AFAP1L2: variants seen among roughly 807,000 people sequenced by gnomAD.
AFAP1L2 encodes actin filament-associated protein 1-like 2.
AFAP1L2 carries 46 observed loss-of-function variants against 99.3 expected under a neutral mutation model. The observed-to-expected ratio is 0.46, with a 90% confidence interval of 0.37 to 0.59. The LOEUF is 0.59. Ranked by LOEUF, AFAP1L2 falls within the 20% of genes least tolerant of loss-of-function variation. The pLI is 0.00. For synonymous variants in AFAP1L2, 397 were observed against 419.1 expected (o/e 0.95, Z 0.64); for missense variants, 959 against 1,034.9 (o/e 0.93, Z 1.01).
chr10:114,397,713 C>A lies in AFAP1L2; in HGVS notation c.16+6727G>T, dbSNP rs554129374. 4.8e-4 allele frequency among the ~76,000 whole-genome samples: 73 copies of A among 152,276 alleles called. 1 individual carries two copies. The South Asian group carries it at 0.015, about 31-fold the overall frequency. On this transcript the variant is annotated intron_variant, in intron 1 of 18. Coordinates refer to ENST00000304129, the MANE Select transcript of AFAP1L2 (RefSeq NM_001001936.3). ...CCAAGGGTAGGACTGTACATTCACCCAGCTTGGATTCTTCCTGGTACACAG... is the reference window on the plus strand; with the variant it reads ...CCAAGGGTAGGACTGTACATTCACCAAGCTTGGATTCTTCCTGGTACACAG...
intron 1 of AFAP1L2, among the ~76,000 whole-genome samples, chr10:114,355,636 T>G (rs1007991768): frequency 2.6e-5 from 4 of 152,182 alleles, no homozygotes; most frequent in Non-Finnish European, 5.9e-5. Context: ...TAGAAAATAT[T>G]TGAATGCATA....
chr10:114,327,163 ATATATATATATTTTTT>A lies in AFAP1L2; in HGVS notation c.316-3918_316-3903del, dbSNP rs1421598265. On this transcript the variant is annotated intron_variant, in intron 4 of 18. Transcript: ENST00000304129. ...TATATATATTTATATATATATATAT[ATATATATATATTTTTT>A]TTTTAGGCAGAGTCTCACTGTGTTG... Among the ~76,000 whole-genome samples the A allele has an allele frequency of 2.3e-3, 184 of 81,376 alleles. 34 individuals are homozygous for A. The South Asian group carries it at 0.031, about 14-fold the overall frequency. The allele number at this position is 81,376 out of a possible 152,430, so 53.4% of individuals were successfully genotyped here.
the AFAP1L2 span, chr10:114,286,270 C>T: frequency 6.2e-7 from 1 of 1,611,312 alleles, no homozygotes; most frequent in South Asian, 1.1e-5. Flanking sequence ...CAGGCCAGGA[C>T]CGGCCACGTA....
At chr10:114,341,601 G>T (rs1178574023) in intron 1 of AFAP1L2, among the ~76,000 whole-genome samples, 2 of 131,748 alleles carry the variant, frequency 1.5e-5, no homozygotes, top group Non-Finnish European at 3.3e-5. Context: ...GACAGAGCAA[G>T]ACTCCATCTC....
intron 1 of AFAP1L2, among the ~76,000 whole-genome samples, chr10:114,385,571 G>A (rs770045785): frequency 1.1e-4 from 17 of 152,276 alleles, no homozygotes; most frequent in Middle Eastern, 6.8e-3. Context: ...GGTTACCCCT[G>A]GCCTCAGTGT....
chr10:114,390,202 C>T (rs1218381788), intron 1 of AFAP1L2, among the ~76,000 whole-genome samples: 5 of 152,178 alleles, frequency 3.3e-5, no homozygotes. Context: ...TCATCTATGC[C>T]ATTGGATGTA....
chr10:114,304,967 C>T (rs1564805093), intron 10 of AFAP1L2, 37 bp from the exon 11 acceptor site: 1 of 1,384,860 alleles, frequency 7.2e-7, no homozygotes. Flanking sequence ...GGGGACAGGG[C>T]TGCAGGAGGG....
At chr10:114,287,946 G>A in the AFAP1L2 span, among the ~76,000 whole-genome samples, 21 of 152,212 alleles carry the variant, frequency 1.4e-4, no homozygotes, top group Admixed American at 7.2e-4. Flanking sequence ...GTAGTCAGCC[G>A]CCTTCCCCGT....
At chr10:114,394,150 C>A (rs1174973537) in intron 1 of AFAP1L2, among the ~76,000 whole-genome samples, 1 of 152,134 alleles carries the variant, frequency 6.6e-6, no homozygotes, top group East Asian at 1.9e-4. Context: ...GGGGGGACGA[C>A]CGGCAAAGCC....
chr10:114,354,433 A>G (rs915456599), intron 1 of AFAP1L2, among the ~76,000 whole-genome samples: 6 of 152,178 alleles, frequency 3.9e-5, no homozygotes, highest in Middle Eastern at 3.2e-3. Flanking sequence ...AAGTTAGAGA[A>G]CAATAATGAG....
chr10:114,307,982 T>C, intron 9 of AFAP1L2, 73 bp from the exon 10 acceptor site: 1 of 1,347,236 alleles, frequency 7.4e-7, no homozygotes. Flanking sequence ...ATGGAAAAAA[T>C]AGCAAACCCA....
intron 2 of AFAP1L2, 142 bp from the exon 3 acceptor site, chr10:114,333,437 T>C: frequency 1.5e-6 from 1 of 647,116 alleles, no homozygotes. Context: ...ATTGAAAGAA[T>C]AGTCCAACAT....
downstream of AFAP1L2, among the ~76,000 whole-genome samples, chr10:114,292,719 T>A (rs975449137): frequency 7.2e-5 from 11 of 152,016 alleles, no homozygotes; most frequent in Non-Finnish European, 4.4e-5. Flanking sequence ...TTTTTCTTTT[T>A]TTTGAGACGG....
intron 1 of AFAP1L2, among the ~76,000 whole-genome samples, chr10:114,391,311 C>T (rs1472083839): frequency 6.6e-6 from 1 of 152,048 alleles, no homozygotes; most frequent in Non-Finnish European, 1.5e-5. Flanking sequence ...CCTCTACCTC[C>T]TGGATTCAAG....
the AFAP1L2 span, among the ~76,000 whole-genome samples, chr10:114,283,401 G>C: frequency 6.6e-6 from 1 of 151,860 alleles, no homozygotes; most frequent in African/African-American, 2.4e-5. Flanking sequence ...AGACACACAG[G>C]CAGGGTAGCG....
intron 1 of AFAP1L2, among the ~76,000 whole-genome samples, chr10:114,388,834 T>C (rs928600445): frequency 6.6e-6 from 1 of 152,108 alleles, no homozygotes; most frequent in Admixed American, 6.6e-5. Context: ...TCACTTAAGA[T>C]ATCAATATCC....
At chr10:114,285,205 G>C in the AFAP1L2 span, among the ~76,000 whole-genome samples, 2 of 152,202 alleles carry the variant, frequency 1.3e-5, no homozygotes, top group African/African-American at 4.8e-5. Context: ...ATTAGCTGCA[G>C]AATGGTCACT....
intron 4 of AFAP1L2, among the ~76,000 whole-genome samples, chr10:114,329,208 A>T (rs1390374450): frequency 6.6e-6 from 1 of 152,142 alleles, no homozygotes; most frequent in South Asian, 2.1e-4. Context: ...CAGGAAGTCT[A>T]CTTCAGAGGG....
intron 1 of AFAP1L2, among the ~76,000 whole-genome samples, chr10:114,351,104 TG>T (rs1238987963): frequency 1.3e-5 from 2 of 152,112 alleles, no homozygotes; most frequent in Non-Finnish European, 2.9e-5. Context: ...AAGAGGCTGA[TG>T]GGGGTCACTC....
Sources: gnomAD v4.1 joint callset for allele counts (sites outside exome capture counted in the v4.1 genomes callset) on GRCh38, gnomAD v4.1.1 for gene constraint, MANE v1.5 for transcripts, NCBI Gene and HGNC (gene_info 2026-07-23, HGNC 2026-07-21) for gene names.